Variants in ZDHHC14 observed in about 807,000 individuals in gnomAD.
ZDHHC14 encodes the protein zDHHC palmitoyltransferase 14, also known as palmitoyltransferase ZDHHC14.
ZDHHC14 carries 16 observed loss-of-function variants against 47.7 expected under a neutral mutation model. The observed-to-expected ratio is 0.34, with a 90% CI of 0.23 to 0.51. The LOEUF is 0.51. ZDHHC14 is among the 20% of genes least tolerant of loss of function. The pLI is 0.97. For missense variants in ZDHHC14, 515 were observed against 662.5 expected (o/e 0.78, Z 2.44); for synonymous variants, 293 against 278.9 (o/e 1.05, Z -0.50).
chr6:157,425,798 G>T (rs1220986079), intron 1 of ZDHHC14, among the ~76,000 whole-genome samples: 1 of 152,050 alleles, frequency 6.6e-6, no homozygotes, highest in African/African-American at 2.4e-5. Context: ...TTGCTGCCTG[G>T]GCTCCAGCCA....
chr6:157,619,776 A>G (rs1056075253), intron 3 of ZDHHC14, among the ~76,000 whole-genome samples: 1 of 152,214 alleles, frequency 6.6e-6, no homozygotes, highest in African/African-American at 2.4e-5. Flanking sequence ...AACACTGTCA[A>G]GGACTCAAAA....
intron 8 of ZDHHC14, among the ~76,000 whole-genome samples, chr6:157,659,900 C>T (rs1313058995): frequency 1.3e-5 from 2 of 152,204 alleles, no homozygotes; most frequent in African/African-American, 2.4e-5. Flanking sequence ...TAGTCAGAAT[C>T]GCAAGCTGAA....
chr6:157,614,109 G>A (rs1562508824), intron 3 of ZDHHC14, among the ~76,000 whole-genome samples: 1 of 152,172 alleles, frequency 6.6e-6, no homozygotes, highest in Non-Finnish European at 1.5e-5. Flanking sequence ...GGTGCACCTG[G>A]GTGAAGACAC....
Position 157,670,262 on chromosome 6 carries a change from C to T in ZDHHC14, c.1069-2462C>T, listed in dbSNP as rs1225817161. ...GGTGATGAGTGGAAAGGATTGTTAACGCTTCACAGTCAGCCCCTTCCAAGT... is the reference window on the plus strand; with the variant it reads ...GGTGATGAGTGGAAAGGATTGTTAATGCTTCACAGTCAGCCCCTTCCAAGT... On this transcript the variant is annotated intron_variant, in intron 8 of 8. Transcript: ENST00000359775. Among the ~76,000 whole-genome samples the T allele has an allele frequency of 8.5e-5, 13 of 152,294 alleles. No individual in the cohort carries two copies. The East Asian group carries it at 1.7e-3, about 20-fold the overall frequency.
intron 2 of ZDHHC14, 150 bp from the exon 3 acceptor site, chr6:157,592,838 C>A: frequency 6.9e-7 from 1 of 1,458,962 alleles, no homozygotes; most frequent in Admixed American, 2.9e-5. Flanking sequence ...GGGTGAGTCC[C>A]AGAGCCCCAG....
intron 1 of ZDHHC14, among the ~76,000 whole-genome samples, chr6:157,511,238 G>C (rs137867024): frequency 0.016 from 2,443 of 152,314 alleles, 70 homozygotes; most frequent in African/African-American, 0.056. Context: ...ACTGTGGGGC[G>C]GGAAGCAGGA....
intron 4 of ZDHHC14, chr6:157,630,512 A>G (rs768426047): frequency 1.3e-5 from 2 of 151,960 alleles, no homozygotes; most frequent in African/African-American, 2.4e-5. Flanking sequence ...ATACTCACCA[A>G]TACGCTCACA....
chr6:157,418,035 G>A (rs984253899), intron 1 of ZDHHC14, among the ~76,000 whole-genome samples: 11 of 151,662 alleles, frequency 7.3e-5, no homozygotes, highest in South Asian at 2.1e-4. Context: ...GCGATGTCTC[G>A]GGGCCCAGGC....
chr6:157,445,949 G>A (rs368461595), intron 1 of ZDHHC14, among the ~76,000 whole-genome samples: 2 of 152,184 alleles, frequency 1.3e-5, no homozygotes, highest in African/African-American at 4.8e-5. Context: ...GATTGGACTC[G>A]CTACATGGTG....
chr6:157,491,146 G>A (rs771501958), intron 1 of ZDHHC14, among the ~76,000 whole-genome samples: 6 of 152,188 alleles, frequency 3.9e-5, no homozygotes, highest in African/African-American at 7.2e-5. Context: ...TCTTGCCCCC[G>A]TTTGTCCCCT....
In ZDHHC14 at chr6:157,645,800, C is replaced by T. The variant is rs566933556; in HGVS notation, c.816C>T (p.His272=). 5.5e-5 allele frequency: 88 copies of T among 1,614,162 alleles called. 4 individuals are homozygous for T. The South Asian group carries it at 9.0e-4, about 17-fold the overall frequency. The change falls in exon 6 of 9, where the codon CAC becomes CAT. Residue 272 remains histidine, a synonymous_variant. Coordinates refer to ENST00000359775, the MANE Select transcript of ZDHHC14 (RefSeq NM_024630.3). ...CCATCGTTGGCCTCTCAGGATTCCA[C>T]ACCTACTTGATCAGCTCCAACCAGA... The part of the protein sequence containing the change: ...VWSIVGLSGF[H]TYLISSNQTT...
At chr6:157,469,236 CA>C (rs1406482341) in intron 1 of ZDHHC14, among the ~76,000 whole-genome samples, 4 of 152,150 alleles carry the variant, frequency 2.6e-5, no homozygotes, top group Non-Finnish European at 5.9e-5. Context: ...CACAGCTCAC[CA>C]AATTGTTGCC....
chr6:157,526,177 C>T (rs1781145271), intron 1 of ZDHHC14, among the ~76,000 whole-genome samples: 1 of 152,234 alleles, frequency 6.6e-6, no homozygotes, highest in Non-Finnish European at 1.5e-5. Flanking sequence ...TGGACTATCT[C>T]TTGCCTACCT....
chr6:157,550,373 AGACATTCTAGAGAGACTGCAGTGT>A (rs1782174935), intron 2 of ZDHHC14, among the ~76,000 whole-genome samples: 1 of 152,040 alleles, frequency 6.6e-6, no homozygotes, highest in Non-Finnish European at 1.5e-5. Context: ...AGTGTCACAC[AGACATTCTAGAGAGACTGCAGTGT>A]CACACAGGCA....
chr6:157,628,952 C>A (rs1785551090), intron 4 of ZDHHC14, among the ~76,000 whole-genome samples: 1 of 152,154 alleles, frequency 6.6e-6, no homozygotes, highest in South Asian at 2.1e-4. Flanking sequence ...CAGTCACCCT[C>A]CCTAGAAAAG....
rs560904206 is a variant in ZDHHC14 at position 157,427,466 on chromosome 6, A to G, written c.245+45200A>G. ...GCTTTCTCCAGCAGGGCCTACCAGC[A>G]TGGGTTGGCGTGGGGGTGAGGATGG... On this transcript the variant is annotated intron_variant, in intron 1 of 8. Coordinates refer to ENST00000359775, the MANE Select transcript of ZDHHC14 (RefSeq NM_024630.3). The surrounding 1 kb of genome is among the most constrained non-coding windows in gnomAD (Gnocchi z 4.4). 1.2e-4 allele frequency among the ~76,000 whole-genome samples: 19 copies of G among 152,120 alleles called. No individual in the cohort carries two copies. Among genetic ancestry groups the G allele is most frequent in the Non-Finnish European group, 2.6e-4 (18 of 68,008 alleles).
intron 1 of ZDHHC14, among the ~76,000 whole-genome samples, chr6:157,442,835 T>A (rs184477275): frequency 4.9e-4 from 74 of 152,344 alleles, no homozygotes; most frequent in African/African-American, 1.7e-3. Context: ...TGGTGGATTT[T>A]ATTTTTTAAA....
chr6:157,386,305 G>A (rs1301339503), intron 1 of ZDHHC14, among the ~76,000 whole-genome samples: 3 of 152,196 alleles, frequency 2.0e-5, no homozygotes, highest in Non-Finnish European at 2.9e-5. Context: ...CCAAGAGTTC[G>A]AGACCAGCCT....
At chr6:157,515,036 A>C (rs1780631516) in intron 1 of ZDHHC14, among the ~76,000 whole-genome samples, 1 of 152,190 alleles carries the variant, frequency 6.6e-6, no homozygotes, top group Non-Finnish European at 1.5e-5. Context: ...CATTTTGTAA[A>C]GGCCAGAATA....
Sources: allele counts gnomAD v4.1 joint callset (sites outside exome capture counted in the v4.1 genomes callset), GRCh38; gene constraint gnomAD v4.1.1; non-coding constraint Gnocchi (gnomAD v3.1); transcripts MANE v1.5; gene names NCBI Gene and HGNC (gene_info 2026-07-23, HGNC 2026-07-21).